SYT1: variants seen among roughly 807,000 people sequenced by gnomAD.
SYT1 encodes synaptotagmin-1.
SYT1 carries 8 observed loss-of-function variants against 44.8 expected under a neutral mutation model. The ratio of observed to expected loss-of-function variants is 0.18; its 90% CI spans 0.10 to 0.32. The LOEUF (loss-of-function observed/expected upper bound fraction) is 0.32. Among genes scored for constraint, SYT1 ranks in the 10% least tolerant of loss-of-function variants. The probability of loss-of-function intolerance (pLI) is 1.00; values close to 1 mark genes in which losing one functional copy is unlikely to be tolerated. For missense variants in SYT1, 286 were observed against 509.3 expected (o/e 0.56, Z 4.22); for synonymous variants, 154 against 188.8 (o/e 0.82, Z 1.51).
At chr12:79,093,162 GT>G (rs1432434898) in intron 3 of SYT1, among the ~76,000 whole-genome samples, 6 of 151,588 alleles carry the variant, frequency 4.0e-5, no homozygotes, top group Non-Finnish European at 7.4e-5. Flanking sequence ...GGCCTAACTT[GT>G]TTAATATCTC....
chr12:79,143,679 C>CT (rs545041694), intron 3 of SYT1, among the ~76,000 whole-genome samples: 2 of 152,166 alleles, frequency 1.3e-5, no homozygotes, highest in African/African-American at 4.8e-5. Flanking sequence ...TTAAAACATT[C>CT]TTTTTTTAAT....
intron 4 of SYT1, among the ~76,000 whole-genome samples, chr12:79,253,484 TC>T (rs1877341966): frequency 3.1e-4 from 1 of 3,204 alleles, no homozygotes; most frequent in Admixed American, 3.3e-3. Flanking sequence ...CATTGCCCAG[TC>T]TCTCTCTCTC....
At chr12:79,222,085 A>G (rs1255222489) in intron 4 of SYT1, among the ~76,000 whole-genome samples, 1 of 152,066 alleles carries the variant, frequency 6.6e-6, no homozygotes, top group African/African-American at 2.4e-5. Flanking sequence ...CTCTGTTGGC[A>G]GTTTTTTTCT....
chr12:79,446,015 A>ATATATATATACATATATATATATATG lies in SYT1; in HGVS notation c.1062+1819_1062+1820insCATATATATATATATGTATATATATA, dbSNP rs1870703384. 2.6e-5 allele frequency among the ~76,000 whole-genome samples: 3 copies of ATATATATATACATATATATATATATG among 113,606 alleles called. 1 individual carries two copies. Among genetic ancestry groups the ATATATATATACATATATATATATATG allele is most frequent in the East Asian group, 2.4e-4 (1 of 4,214 alleles). 74.5% of individuals were successfully genotyped at this position (113,606 alleles called of 152,430 possible). On this transcript the variant is annotated intron_variant, in intron 10 of 10. Transcript: ENST00000261205. ...CATATATATATATATATATATATATATATATATATATATATATATTATGCC... is the reference window on the plus strand; with the variant it reads ...CATATATATATATATATATATATATATATATATATACATATATATATATATGTATATATATATATATATATTATGCC...
At chr12:78,872,902 G>A (rs928277470) in intron 1 of SYT1, among the ~76,000 whole-genome samples, 1 of 151,618 alleles carries the variant, frequency 6.6e-6, no homozygotes, top group Non-Finnish European at 1.5e-5. Flanking sequence ...TTAAAATTTT[G>A]CATGTAAAGG....
At chr12:78,867,774 G>A (rs541195496) in intron 1 of SYT1, among the ~76,000 whole-genome samples, 6 of 151,888 alleles carry the variant, frequency 4.0e-5, no homozygotes, top group Non-Finnish European at 7.4e-5. Flanking sequence ...CAAATTATCA[G>A]ATAGTTCTAA....
chr12:79,385,117 G>GT lies in SYT1; in HGVS notation c.928+31500dup, dbSNP rs1884384167. 2.0e-5 allele frequency among the ~76,000 whole-genome samples: 3 copies of GT among 150,878 alleles called. No individual in the cohort carries two copies. The Admixed American group carries it at 2.0e-4, about 10-fold the overall frequency. ...TTCTCCTGCCTCAGCCTCTCTAGTAGTTGGGATTACAGGCACCCACCACCA... is the reference window on the plus strand; with the variant it reads ...TTCTCCTGCCTCAGCCTCTCTAGTAGTTTGGGATTACAGGCACCCACCACCA... On this transcript the variant is annotated intron_variant, in intron 9 of 10. Transcript: ENST00000261205.
intron 3 of SYT1, among the ~76,000 whole-genome samples, chr12:79,074,852 G>GA (rs1876531171): frequency 6.6e-6 from 1 of 152,154 alleles, no homozygotes; most frequent in South Asian, 2.1e-4. Context: ...TGGCAGGGCT[G>GA]AGACACTTAG....
intron 4 of SYT1, among the ~76,000 whole-genome samples, chr12:79,249,011 G>A (rs1245822): frequency 0.73 from 109,802 of 151,338 alleles, 40,548 homozygotes; most frequent in African/African-American, 0.84. Context: ...TCATCTCCCA[G>A]GCATATGGCT....
chr12:79,323,063 G>A (rs992780226), intron 8 of SYT1, among the ~76,000 whole-genome samples: 1 of 151,962 alleles, frequency 6.6e-6, no homozygotes, highest in Non-Finnish European at 1.5e-5. Context: ...GCAAAGCCAT[G>A]GGGGAAAGAG....
chr12:79,448,833 A>G (rs1870875959), intron 10 of SYT1, 85 bp from the exon 11 acceptor site: 4 of 1,226,554 alleles, frequency 3.3e-6, no homozygotes, highest in African/African-American at 1.5e-5. Flanking sequence ...TTCTATTTCC[A>G]ATTCTTTAGC....
chr12:79,163,977 C>T (rs141419538), intron 3 of SYT1, among the ~76,000 whole-genome samples: 2 of 152,134 alleles, frequency 1.3e-5, no homozygotes, highest in East Asian at 3.9e-4. Context: ...GAATTCTGGG[C>T]TGTGCCATTG....
chr12:79,414,091 C>T (rs886956318), intron 9 of SYT1, among the ~76,000 whole-genome samples: 4 of 152,236 alleles, frequency 2.6e-5, no homozygotes, highest in Admixed American at 6.5e-5. Context: ...TTGGGGTTTG[C>T]CCATCCTCCA....
intron 8 of SYT1, among the ~76,000 whole-genome samples, chr12:79,339,272 T>A (rs1263340594): frequency 6.6e-6 from 1 of 152,198 alleles, no homozygotes; most frequent in African/African-American, 2.4e-5. Context: ...TTGAACTAAT[T>A]TACACTCCCA....
intron 3 of SYT1, among the ~76,000 whole-genome samples, chr12:79,209,084 T>C (rs1443064591): frequency 1.3e-5 from 2 of 152,202 alleles, no homozygotes; most frequent in East Asian, 3.9e-4. Flanking sequence ...TCAGTAGCTG[T>C]TTCTTTGGAA....
At chr12:79,276,441 G>T (rs1397590044) in intron 4 of SYT1, among the ~76,000 whole-genome samples, 1 of 151,944 alleles carries the variant, frequency 6.6e-6, no homozygotes, top group Non-Finnish European at 1.5e-5. Flanking sequence ...ACTTTGAGAG[G>T]CCAAGGCAGG....
chr12:79,281,224 A>G (rs189035906), intron 4 of SYT1, among the ~76,000 whole-genome samples: 1 of 152,278 alleles, frequency 6.6e-6, no homozygotes, highest in Non-Finnish European at 1.5e-5. Context: ...AGCACAATTC[A>G]CAAACGCAGA....
chr12:79,390,089 T>C (rs966495029), intron 9 of SYT1, among the ~76,000 whole-genome samples: 28 of 152,090 alleles, frequency 1.8e-4, no homozygotes, highest in South Asian at 8.3e-4. Context: ...CCCGCCACCA[T>C]GCCCGGCTAA....
chr12:79,099,461 G>T (rs1294003150), intron 3 of SYT1, among the ~76,000 whole-genome samples: 5 of 152,084 alleles, frequency 3.3e-5, no homozygotes, highest in African/African-American at 1.2e-4. Context: ...TAGTTGTAAG[G>T]CATCTGGTTT....
Sources: allele counts gnomAD v4.1 joint callset (sites outside exome capture counted in the v4.1 genomes callset), GRCh38; gene constraint gnomAD v4.1.1; transcripts MANE v1.5; gene names NCBI Gene and HGNC (gene_info 2026-07-23, HGNC 2026-07-21).